The following XPR1 variants were observed in gnomAD, a reference collection of about 807,000 sequenced individuals.
XPR1 encodes xenotropic and polytropic retrovirus receptor 1, also known as solute carrier family 53 member 1.
XPR1 carries 28 observed loss-of-function variants against 87.5 expected under a neutral mutation model. The observed-to-expected ratio is 0.32, with a 90% CI of 0.24 to 0.44. The LOEUF (loss-of-function observed/expected upper bound fraction) is 0.44, where lower values mean the gene tolerates loss of function less well. Among genes scored for constraint, XPR1 ranks in the 20% least tolerant of loss-of-function variants. The pLI is 1.00. For missense variants in XPR1, 559 were observed against 862.3 expected, an observed-to-expected ratio of 0.65 and a Z score of 4.41; for synonymous variants, 300 against 306.1, an observed-to-expected ratio of 0.98 and a Z score of 0.21.
chr1:180,853,848 G>A (rs944863253), intron 11 of XPR1, among the ~76,000 whole-genome samples: 4 of 136,688 alleles, frequency 2.9e-5, no homozygotes, highest in Admixed American at 8.2e-5. Context: ...CTTGAAATCA[G>A]TGGGAATTAT....
chr1:180,647,970 C>CTATA (rs1277076657), intron 1 of XPR1, among the ~76,000 whole-genome samples: 17 of 147,402 alleles, frequency 1.2e-4, no homozygotes, highest in African/African-American at 4.3e-4. Context: ...TGTAGGTGTT[C>CTATA]TATATCTGCA....
intron 10 of XPR1, among the ~76,000 whole-genome samples, 160 bp from the exon 11 acceptor site, chr1:180,836,362 A>C (rs1651293650): frequency 6.6e-6 from 1 of 152,102 alleles, no homozygotes; most frequent in Admixed American, 6.5e-5. Flanking sequence ...GTCTCAAAAA[A>C]AAAAAAGAAA....
chr1:180,877,729 GA>G (rs1042641333), intron 13 of XPR1, among the ~76,000 whole-genome samples: 12 of 151,682 alleles, frequency 7.9e-5, no homozygotes, highest in Non-Finnish European at 1.6e-4. Context: ...TACTTCTGTT[GA>G]AATGCTTATC....
At chr1:180,784,539 A>G (rs1034999161) in intron 2 of XPR1, among the ~76,000 whole-genome samples, 6 of 152,012 alleles carry the variant, frequency 3.9e-5, no homozygotes, top group Admixed American at 3.9e-4. Context: ...TGTTTTATGG[A>G]ATGGAAATTT....
chr1:180,743,223 T>G (rs924426161), intron 2 of XPR1, among the ~76,000 whole-genome samples: 3 of 144,126 alleles, frequency 2.1e-5, no homozygotes, highest in Non-Finnish European at 4.5e-5. Flanking sequence ...CCTTTTTTTT[T>G]TGGGGGGGGA....
At chr1:180,710,113 C>T (rs892281676) in intron 2 of XPR1, among the ~76,000 whole-genome samples, 2 of 151,712 alleles carry the variant, frequency 1.3e-5, no homozygotes, top group African/African-American at 2.4e-5. Flanking sequence ...AGGCTGGTCT[C>T]GAACTCCTGA....
chr1:180,860,752 G>A (rs1278641964), intron 11 of XPR1, among the ~76,000 whole-genome samples: 4 of 151,276 alleles, frequency 2.6e-5, no homozygotes, highest in African/African-American at 9.7e-5. Context: ...TAACTTGATT[G>A]TAGTGATGGG....
intron 12 of XPR1, among the ~76,000 whole-genome samples, chr1:180,867,362 G>C (rs1434366311): frequency 3.6e-5 from 2 of 54,996 alleles, no homozygotes; most frequent in African/African-American, 1.6e-4. Flanking sequence ...GGTATTTCTA[G>C]TTCTAGATCC....
chr1:180,696,173 TGTGTGTGTGTGTGTGTG>T (rs1657159903), intron 2 of XPR1, among the ~76,000 whole-genome samples: 1 of 88,668 alleles, frequency 1.1e-5, no homozygotes, highest in African/African-American at 5.4e-5. Flanking sequence ...TGGGTGTGTG[TGTGTGTGTGTGTGTGTG>T]TGTGTGTGTG....
At chr1:180,639,287 G>GA (rs563556717) in intron 1 of XPR1, among the ~76,000 whole-genome samples, 78 of 142,296 alleles carry the variant, frequency 5.5e-4, no homozygotes, top group East Asian at 1.8e-3. Context: ...GACACTGTCT[G>GA]AAAAAAAAAA....
At chr1:180,859,089 C>T (rs1652134241) in intron 11 of XPR1, among the ~76,000 whole-genome samples, 2 of 402 alleles carry the variant, frequency 5.0e-3, no homozygotes, top group Non-Finnish European at 0.011. Context: ...CGTGGTGCCA[C>T]ATTTTTCATT....
At chr1:180,709,012 A>G (rs1187998390) in intron 2 of XPR1, among the ~76,000 whole-genome samples, 1 of 151,276 alleles carries the variant, frequency 6.6e-6, no homozygotes, top group Non-Finnish European at 1.5e-5. Context: ...CCCAGGTTCA[A>G]GCAGTTCTCC....
intron 2 of XPR1, among the ~76,000 whole-genome samples, chr1:180,686,172 T>G (rs1280460544): frequency 6.6e-6 from 1 of 152,222 alleles, no homozygotes; most frequent in Admixed American, 6.5e-5. Flanking sequence ...GTCCCAGAGA[T>G]TCTGGTATGT....
chr1:180,877,087 C>G (rs978015659), intron 13 of XPR1, among the ~76,000 whole-genome samples: 7 of 152,104 alleles, frequency 4.6e-5, no homozygotes, highest in African/African-American at 1.2e-4. Context: ...ATTTTAAAAA[C>G]CATATCATTT....
At chr1:180,873,415 C>T (rs1652567413) in intron 12 of XPR1, among the ~76,000 whole-genome samples, 1 of 152,140 alleles carries the variant, frequency 6.6e-6, no homozygotes, top group African/African-American at 2.4e-5. Context: ...AATAAATCTG[C>T]TAATCTTTTC....
At chr1:180,796,256 G>A (rs1250722580) in intron 3 of XPR1, among the ~76,000 whole-genome samples, 2 of 152,110 alleles carry the variant, frequency 1.3e-5, no homozygotes, top group African/African-American at 4.8e-5. Flanking sequence ...AAACTGAAGT[G>A]TCATTGCAAA....
intron 3 of XPR1, among the ~76,000 whole-genome samples, chr1:180,791,787 T>A (rs1047185047): frequency 3.9e-5 from 6 of 152,248 alleles, no homozygotes; most frequent in Non-Finnish European, 8.8e-5. Context: ...AAATGCTAAT[T>A]ATGATCCACT....
Position 180,690,874 on chromosome 1 carries a change from T to G in XPR1, c.121+8463T>G, listed in dbSNP as rs921838507. The stretch of plus-strand genomic sequence containing the variant: ...TCAATTCCTTGAAGCCAATGTACTG[T>G]TTATAAAAAAAGGAGTAAATTAACC... On this transcript the variant is annotated intron_variant, in intron 2 of 14. Coordinates refer to ENST00000367590, the MANE Select transcript of XPR1 (RefSeq NM_004736.4). 1.6e-4 allele frequency among the ~76,000 whole-genome samples: 24 copies of G among 151,670 alleles called. 1 individual carries two copies.
intron 2 of XPR1, among the ~76,000 whole-genome samples, chr1:180,731,167 A>G (rs1455053478): frequency 2.0e-5 from 3 of 152,224 alleles, no homozygotes; most frequent in Admixed American, 6.5e-5. Context: ...TAGAAATACA[A>G]TGTGAACCAC....
Sources: gnomAD v4.1 joint callset for allele counts (sites outside exome capture counted in the v4.1 genomes callset) on GRCh38, gnomAD v4.1.1 for gene constraint, MANE v1.5 for transcripts, NCBI Gene and HGNC (gene_info 2026-07-23, HGNC 2026-07-21) for gene names.